SCFD2: variants seen among roughly 807,000 people sequenced by gnomAD.
SCFD2 encodes sec1 family domain-containing protein 2.
SCFD2 carries 54 observed loss-of-function variants against 58.9 expected under a neutral mutation model. The ratio of observed to expected loss-of-function variants is 0.92; its 90% CI spans 0.74 to 1.15. The LOEUF (loss-of-function observed/expected upper bound fraction) is 1.15. Among genes scored for constraint, SCFD2 ranks in the 50% most tolerant of loss-of-function variants. The pLI is 0.00. For synonymous variants in SCFD2, 321 were observed against 335.9 expected (o/e 0.96, Z 0.49); for missense variants, 805 against 836.6 (o/e 0.96, Z 0.47).
At chr4:52,892,476 T>C (rs1379890690) in intron 7 of SCFD2, among the ~76,000 whole-genome samples, 1 of 152,216 alleles carries the variant, frequency 6.6e-6, no homozygotes, top group Non-Finnish European at 1.5e-5. Context: ...CCCTCTGGGA[T>C]CTAGTGTCTG....
At chr4:53,113,833 G>GAGGCATTATTTCTTCTCACTATTGTGAGA (rs535812551) in intron 5 of SCFD2, among the ~76,000 whole-genome samples, 3 of 82,828 alleles carry the variant, frequency 3.6e-5, no homozygotes, top group Non-Finnish European at 6.7e-5. Context: ...CAATAACAAT[G>GAGGCATTATTTCTTCTCACTATTGTGAGA]AGGCATTATT....
chr4:53,182,236 T>C (rs957964753), intron 4 of SCFD2, among the ~76,000 whole-genome samples: 1 of 152,194 alleles, frequency 6.6e-6, no homozygotes, highest in Non-Finnish European at 1.5e-5. Context: ...GGCATCATGC[T>C]ACCTGACTTC....
At chr4:53,321,649 C>T (rs1733030684) in intron 2 of SCFD2, among the ~76,000 whole-genome samples, 1 of 152,146 alleles carries the variant, frequency 6.6e-6, no homozygotes, top group South Asian at 2.1e-4. Context: ...TAATGGCTTC[C>T]ATGAGGGGTG....
chr4:53,255,200 T>C (rs1276065078), intron 4 of SCFD2, among the ~76,000 whole-genome samples: 1 of 148,608 alleles, frequency 6.7e-6, no homozygotes, highest in Non-Finnish European at 1.5e-5. Flanking sequence ...TTTTCTTTTT[T>C]ATTTATTTAT....
chr4:52,982,548 T>C (rs1401595977), intron 5 of SCFD2, among the ~76,000 whole-genome samples: 2 of 152,206 alleles, frequency 1.3e-5, no homozygotes, highest in Admixed American at 1.3e-4. Flanking sequence ...TGACTTATAA[T>C]AAACTACTTA....
At chr4:53,060,504 G>A (rs1256825286) in intron 5 of SCFD2, among the ~76,000 whole-genome samples, 1 of 152,112 alleles carries the variant, frequency 6.6e-6, no homozygotes, top group Non-Finnish European at 1.5e-5. Flanking sequence ...GGCTGTCCAC[G>A]AGGTTAATGC....
At chr4:52,902,742 TC>T (rs1358313407) in intron 7 of SCFD2, among the ~76,000 whole-genome samples, 2 of 152,222 alleles carry the variant, frequency 1.3e-5, no homozygotes, top group Admixed American at 6.5e-5. Context: ...GCTATTATCA[TC>T]CCCGATCTAT....
rs373535038 is a variant in SCFD2 at position 53,289,392 on chromosome 4, A to C, written c.1136-15391T>G. On this transcript the variant is annotated intron_variant, in intron 3 of 8. Coordinates refer to ENST00000401642, the MANE Select transcript of SCFD2 (RefSeq NM_152540.4). ...AAAAACAAACAAACAACAACAACAA[A>C]AAAAATGGTCTTATTATGACAGCAA... Among the ~76,000 whole-genome samples, 50 of 152,250 alleles carry C rather than the reference A, an allele frequency of 3.3e-4. 1 individual carries two copies. The South Asian group carries it at 5.0e-3, about 15-fold the overall frequency.
chr4:52,896,874 A>C (rs1050900164), intron 7 of SCFD2, among the ~76,000 whole-genome samples: 192 of 152,248 alleles, frequency 1.3e-3, no homozygotes, highest in African/African-American at 4.3e-3. Flanking sequence ...AGAGGTCCTA[A>C]ACGTCCCTTG....
chr4:53,270,539 T>C (rs1193101552), intron 4 of SCFD2, among the ~76,000 whole-genome samples: 2 of 152,138 alleles, frequency 1.3e-5, no homozygotes, highest in Non-Finnish European at 1.5e-5. Flanking sequence ...GTATCAAGTG[T>C]GGAAATGAAG....
chr4:52,934,832 T>G lies in SCFD2; in HGVS notation c.1562-13962A>C, dbSNP rs570469215. Among the ~76,000 whole-genome samples, 210 of 152,348 alleles carry G rather than the reference T, an allele frequency of 1.4e-3. 1 individual carries two copies. Among genetic ancestry groups the G allele is most frequent in the African/African-American group, 5.0e-3 (208 of 41,582 alleles). ...ATAGGAGGATACAAATCAATGTGTT[T>G]GATTTATTGATAAAAGAAGATGACC... On this transcript the variant is annotated intron_variant, in intron 5 of 8. Coordinates refer to ENST00000401642, the MANE Select transcript of SCFD2 (RefSeq NM_152540.4).
At chr4:53,077,958 G>T (rs1038648416) in intron 5 of SCFD2, among the ~76,000 whole-genome samples, 1 of 152,136 alleles carries the variant, frequency 6.6e-6, no homozygotes, top group African/African-American at 2.4e-5. Context: ...CTACGTGAGA[G>T]CTTGGTGTAG....
chr4:52,992,519 G>C (rs1354693911), intron 5 of SCFD2, among the ~76,000 whole-genome samples: 1 of 147,264 alleles, frequency 6.8e-6, no homozygotes, highest in Non-Finnish European at 1.5e-5. Context: ...CCCTCTGCCC[G>C]GCCACCCAGT....
intron 5 of SCFD2, among the ~76,000 whole-genome samples, chr4:53,057,140 G>C (rs969951071): frequency 6.6e-6 from 1 of 152,110 alleles, no homozygotes; most frequent in African/African-American, 2.4e-5. Context: ...AGCTGAGATC[G>C]CACCACTGCA....
At chr4:53,301,747 T>C (rs1165627772) in intron 3 of SCFD2, among the ~76,000 whole-genome samples, 1 of 152,142 alleles carries the variant, frequency 6.6e-6, no homozygotes, top group East Asian at 1.9e-4. Flanking sequence ...AAAAAGCTTA[T>C]CCACCATGAT....
At chr4:52,959,892 A>G (rs1189278833) in intron 5 of SCFD2, among the ~76,000 whole-genome samples, 1 of 148,728 alleles carries the variant, frequency 6.7e-6, no homozygotes, top group Admixed American at 6.7e-5. Flanking sequence ...GAGACTCCAA[A>G]TTGAAACACA....
chr4:53,273,972 AG>A lies in SCFD2; in HGVS notation c.1164del (p.Tyr389IlefsTer12). 1 of 1,613,082 alleles carries A rather than the reference AG, an allele frequency of 6.2e-7. No individual in the cohort carries two copies. Among genetic ancestry groups the A allele is most frequent in the Non-Finnish European group, 8.5e-7 (1 of 1,179,510 alleles). ...MGRVTPGQLMSYIQLFKNNLK... is the reference protein window; with the variant it reads ...MGRVTPGQLMXYIQLFKNNLK... ...AGGTTGTTCTTGAAGAGCTGAATAT[AG>A]GACATGAGCTGTCCCGGTGTGACTC... On this transcript the variant is annotated frameshift_variant, in exon 4 of 9. Coordinates refer to ENST00000401642, the MANE Select transcript of SCFD2 (RefSeq NM_152540.4). LOFTEE classifies it high-confidence loss of function.
intron 5 of SCFD2, among the ~76,000 whole-genome samples, chr4:53,130,076 GA>G (rs1270908876): frequency 6.6e-6 from 1 of 152,026 alleles, no homozygotes; most frequent in Non-Finnish European, 1.5e-5. Flanking sequence ...AACAAAATTA[GA>G]CTTGTGTCCC....
At chr4:53,207,560 A>ATATAAT (rs1448120184) in intron 4 of SCFD2, among the ~76,000 whole-genome samples, 3 of 94,060 alleles carry the variant, frequency 3.2e-5, no homozygotes, top group Non-Finnish European at 6.3e-5. Flanking sequence ...ATTTATATAT[A>ATATAAT]ATATATATAA....
Sources: allele counts gnomAD v4.1 joint callset (sites outside exome capture counted in the v4.1 genomes callset), GRCh38; gene constraint gnomAD v4.1.1; transcripts MANE v1.5; gene names NCBI Gene and HGNC (gene_info 2026-07-23, HGNC 2026-07-21).